NTM: variants seen among roughly 807,000 people sequenced by gnomAD.
NTM encodes the protein neurotrimin.
Under a neutral mutation model 42.1 loss-of-function variants are expected in NTM, and 13 were observed. The ratio of observed to expected loss-of-function variants is 0.31; its 90% CI spans 0.20 to 0.49. The LOEUF is 0.49. Ranked by LOEUF, NTM falls within the 20% of genes least tolerant of loss-of-function variation. NTM has a pLI of 0.99. For synonymous variants in NTM, 187 were observed against 179.2 expected (o/e 1.04, Z -0.35); for missense variants, 373 against 452.8 (o/e 0.82, Z 1.60).
At chr11:131,397,360 T>A (rs1185374757) in intron 1 of NTM, among the ~76,000 whole-genome samples, 1 of 152,126 alleles carries the variant, frequency 6.6e-6, no homozygotes, top group Non-Finnish European at 1.5e-5. Flanking sequence ...CCTTTTTAAG[T>A]ACTCCTTCAG....
chr11:132,326,502 C>T (rs890545929), intron 7 of NTM, among the ~76,000 whole-genome samples: 1 of 152,234 alleles, frequency 6.6e-6, no homozygotes, highest in Non-Finnish European at 1.5e-5. Context: ...CCCCCATCTG[C>T]TGAGACAAAG....
intron 2 of NTM, among the ~76,000 whole-genome samples, chr11:132,041,073 A>G (rs966969442): frequency 2.0e-5 from 3 of 152,202 alleles, no homozygotes; most frequent in East Asian, 1.9e-4. Context: ...GGAGTCTTCA[A>G]TACCCCACAT....
At chr11:131,920,651 T>A (rs2057086022) in intron 2 of NTM, among the ~76,000 whole-genome samples, 1 of 152,224 alleles carries the variant, frequency 6.6e-6, no homozygotes, top group African/African-American at 2.4e-5. Flanking sequence ...CTTGCTGTCC[T>A]ATCAGTGTGA....
At chr11:131,917,672 G>A (rs150285594) in intron 2 of NTM, among the ~76,000 whole-genome samples, 3 of 152,240 alleles carry the variant, frequency 2.0e-5, no homozygotes, top group East Asian at 3.9e-4. Flanking sequence ...TTGATCCGTT[G>A]TTTATGAGTT....
At chr11:132,030,601 A>G (rs2075789346) in intron 2 of NTM, among the ~76,000 whole-genome samples, 1 of 152,250 alleles carries the variant, frequency 6.6e-6, no homozygotes, top group Non-Finnish European at 1.5e-5. Context: ...ATATTTAAGT[A>G]GAGATCTGAA....
At chr11:132,163,717 C>T (rs1247739501) in intron 3 of NTM, among the ~76,000 whole-genome samples, 1 of 152,230 alleles carries the variant, frequency 6.6e-6, no homozygotes, top group African/African-American at 2.4e-5. Flanking sequence ...ATTGCCAGCA[C>T]AGGCATGGGC....
intron 1 of NTM, among the ~76,000 whole-genome samples, chr11:131,610,112 A>G (rs1375506532): frequency 3.3e-5 from 5 of 152,250 alleles, no homozygotes; most frequent in East Asian, 1.9e-4. Flanking sequence ...ACACTTGCCA[A>G]TGGCACCAAA....
chr11:131,380,716 G>C (rs181357949), intron 1 of NTM, among the ~76,000 whole-genome samples: 1 of 152,234 alleles, frequency 6.6e-6, no homozygotes, highest in African/African-American at 2.4e-5. Flanking sequence ...GTGACACTCA[G>C]TGTTTATGGA....
chr11:131,431,642 G>A (rs939016756), intron 1 of NTM, among the ~76,000 whole-genome samples: 1 of 152,172 alleles, frequency 6.6e-6, no homozygotes, highest in African/African-American at 2.4e-5. Context: ...CATCACTCAT[G>A]ATTGCAGTAA....
At chr11:132,198,853 A>G (rs943817507) in intron 3 of NTM, among the ~76,000 whole-genome samples, 3 of 152,220 alleles carry the variant, frequency 2.0e-5, no homozygotes, top group Admixed American at 6.5e-5. Context: ...CAGAGTTGGC[A>G]AATTTTGAAC....
chr11:132,180,713 A>G (rs1355681796), intron 3 of NTM, among the ~76,000 whole-genome samples: 1 of 152,154 alleles, frequency 6.6e-6, no homozygotes, highest in Non-Finnish European at 1.5e-5. Flanking sequence ...CTGAGTTTCC[A>G]AACACTATAA....
At chr11:131,796,491 A>T (rs980359847) in intron 1 of NTM, among the ~76,000 whole-genome samples, 15 of 152,190 alleles carry the variant, frequency 9.9e-5, no homozygotes, top group Non-Finnish European at 1.6e-4. Flanking sequence ...GGAAAATGCC[A>T]CAGGAACCGC....
At chr11:132,152,387 C>T (rs1482029605) in intron 3 of NTM, among the ~76,000 whole-genome samples, 1 of 152,158 alleles carries the variant, frequency 6.6e-6, no homozygotes, top group Non-Finnish European at 1.5e-5. Flanking sequence ...GTCAGTAGCC[C>T]TGTGTGACAG....
In NTM at chr11:131,567,641, C is replaced by T. The variant is rs116893143; in HGVS notation, c.82+196753C>T. ...CATGAGGAATACAACTTACCACAAA[C>T]ATTAAAAAATCTTCTTTCCATTTTA... is the stretch of plus-strand genomic sequence containing the variant. On this transcript the variant is annotated intron_variant, in intron 1 of 8. Transcript: ENST00000683400. Among the ~76,000 whole-genome samples, 993 of 152,334 alleles carry T rather than the reference C, an allele frequency of 6.5e-3. 4 individuals carry two copies. Among genetic ancestry groups the T allele is most frequent in the Non-Finnish European group, 0.012 (827 of 68,034 alleles).
chr11:131,596,168 C>G (rs2059795427), intron 1 of NTM, among the ~76,000 whole-genome samples: 3 of 152,212 alleles, frequency 2.0e-5, no homozygotes, highest in Admixed American at 6.5e-5. Context: ...TGCTGTTGAC[C>G]TGACTTTTCA....
intron 1 of NTM, among the ~76,000 whole-genome samples, chr11:131,728,969 A>G (rs1006261995): frequency 4.6e-5 from 7 of 152,224 alleles, no homozygotes; most frequent in African/African-American, 1.7e-4. Flanking sequence ...TCTATTTTAC[A>G]ATATCACAAA....
intron 4 of NTM, among the ~76,000 whole-genome samples, chr11:132,254,792 C>G (rs1016774484): frequency 2.6e-5 from 4 of 152,148 alleles, no homozygotes; most frequent in Non-Finnish European, 5.9e-5. Flanking sequence ...AATCCTGTTG[C>G]CCCTGCTGGG....
At chr11:131,724,477 A>G (rs1241691980) in intron 1 of NTM, among the ~76,000 whole-genome samples, 1 of 152,084 alleles carries the variant, frequency 6.6e-6, no homozygotes, top group Non-Finnish European at 1.5e-5. Flanking sequence ...AAAGAACACA[A>G]TGTGGTTTTA....
chr11:132,175,758 A>T (rs1566382564), intron 3 of NTM, among the ~76,000 whole-genome samples: 1 of 151,996 alleles, frequency 6.6e-6, no homozygotes, highest in Non-Finnish European at 1.5e-5. Context: ...TGGGTATTAA[A>T]TCCCACCTCA....
Sources: gnomAD v4.1 joint callset for allele counts (sites outside exome capture counted in the v4.1 genomes callset) on GRCh38, gnomAD v4.1.1 for gene constraint, MANE v1.5 for transcripts, NCBI Gene and HGNC (gene_info 2026-07-23, HGNC 2026-07-21) for gene names.